The following PTPRN2 variants were observed in gnomAD, a reference collection of about 807,000 sequenced individuals.
The protein encoded by PTPRN2 is protein tyrosine phosphatase receptor type N2, also known as receptor-type tyrosine-protein phosphatase N2.
Under a neutral mutation model 118.8 loss-of-function variants are expected in PTPRN2, and 74 were observed. The ratio of observed to expected loss-of-function variants is 0.62; its 90% CI spans 0.52 to 0.76. The LOEUF is 0.76. PTPRN2 is among the 30% of genes least tolerant of loss of function. The pLI is 0.00. For synonymous variants in PTPRN2, 641 were observed against 608.0 expected (o/e 1.05, Z -0.80); for missense variants, 1,481 against 1,394.4 (o/e 1.06, Z -0.99).
chr7:158,222,883 G>C (rs1828476627), intron 3 of PTPRN2, among the ~76,000 whole-genome samples: 1 of 151,786 alleles, frequency 6.6e-6, no homozygotes, highest in Non-Finnish European at 1.5e-5. Flanking sequence ...GAAGATAAAT[G>C]ACAATGAAAG....
chr7:157,704,895 C>G (rs577701790), intron 12 of PTPRN2, among the ~76,000 whole-genome samples: 18 of 152,324 alleles, frequency 1.2e-4, no homozygotes, highest in African/African-American at 4.3e-4. Flanking sequence ...TTAAAAAACC[C>G]TCATGAAATG....
At chr7:158,514,368 G>C (rs1263600334) in intron 1 of PTPRN2, among the ~76,000 whole-genome samples, 2 of 152,192 alleles carry the variant, frequency 1.3e-5, no homozygotes, top group African/African-American at 4.8e-5. Context: ...CCCCAGGATG[G>C]CAGCAAAGGG....
intron 12 of PTPRN2, among the ~76,000 whole-genome samples, chr7:157,711,954 G>C (rs13438154): frequency 9.0e-5 from 9 of 100,376 alleles, no homozygotes; most frequent in South Asian, 3.6e-4. Context: ...GGGGCTGCGT[G>C]GTGGAAGGGG....
chr7:158,147,899 C>T (rs1376194496), intron 6 of PTPRN2, among the ~76,000 whole-genome samples: 18 of 133,342 alleles, frequency 1.3e-4, no homozygotes, highest in African/African-American at 3.7e-4. Flanking sequence ...TGTCTTTCCC[C>T]CTCACTGACA....
chr7:158,336,436 A>C (rs1805547301), intron 2 of PTPRN2, among the ~76,000 whole-genome samples: 1 of 101,062 alleles, frequency 9.9e-6, no homozygotes. Context: ...TGCAGACGTC[A>C]CTCACACCCA....
At chr7:158,221,651 G>T (rs572112560) in intron 3 of PTPRN2, among the ~76,000 whole-genome samples, 2 of 152,198 alleles carry the variant, frequency 1.3e-5, no homozygotes, top group South Asian at 4.2e-4. Flanking sequence ...AGCGGAAAGG[G>T]TTTCCTTCGG....
chr7:157,982,437 A>G (rs1412821475), intron 11 of PTPRN2, among the ~76,000 whole-genome samples: 6 of 130,690 alleles, frequency 4.6e-5, no homozygotes, highest in Non-Finnish European at 8.0e-5. Flanking sequence ...CGAGGAGGGG[A>G]ATGCAGAGTG....
intron 2 of PTPRN2, among the ~76,000 whole-genome samples, chr7:158,382,188 G>A (rs190922005): frequency 0.011 from 1,727 of 152,272 alleles, 12 homozygotes; most frequent in Non-Finnish European, 0.018. Flanking sequence ...GGGCAACGCA[G>A]CTCAGCACAG....
At position 157,714,305 on chromosome 7, in the gene PTPRN2, G is replaced by A. The variant is rs540177083; in HGVS notation, c.1789-31368C>T. On this transcript the variant is annotated intron_variant, in intron 12 of 22. Transcript: ENST00000389418. ...AGTATAGTACAGTCCGTTAAACTGC[G>A]CATCTTTGATGAGTTACTACCTGTG... 1.2e-4 allele frequency among the ~76,000 whole-genome samples: 18 copies of A among 152,334 alleles called. No homozygotes were observed. In the East Asian group the frequency reaches 2.1e-3, roughly 18 times the overall value.
chr7:157,720,654 C>T (rs1359454313), intron 12 of PTPRN2, among the ~76,000 whole-genome samples: 2 of 152,252 alleles, frequency 1.3e-5, no homozygotes, highest in Non-Finnish European at 2.9e-5. Flanking sequence ...ACACCAGGAG[C>T]AGGTGCCCTC....
At chr7:158,452,335 G>A (rs1818143101) in intron 2 of PTPRN2, among the ~76,000 whole-genome samples, 1 of 152,242 alleles carries the variant, frequency 6.6e-6, no homozygotes, top group Admixed American at 6.5e-5. Context: ...GGTTTATTCA[G>A]AGAGAATTCA....
intron 14 of PTPRN2, among the ~76,000 whole-genome samples, chr7:157,641,646 C>G (rs1259494964): frequency 1.3e-5 from 2 of 152,166 alleles, no homozygotes; most frequent in Non-Finnish European, 2.9e-5. Context: ...TTCACTGCAG[C>G]ACCAAATCTT....
chr7:157,936,683 T>TG (rs556712226), intron 11 of PTPRN2, among the ~76,000 whole-genome samples: 17 of 131,912 alleles, frequency 1.3e-4, no homozygotes, highest in African/African-American at 4.9e-4. Context: ...GAAGCCAGGG[T>TG]GGGGGTCTAC....
In PTPRN2 at chr7:157,646,652, C is replaced by T. The variant is rs183172498; in HGVS notation, c.2196+9705G>A. Among the ~76,000 whole-genome samples, 147 of 152,296 alleles carry T rather than the reference C, an allele frequency of 9.7e-4. 3 individuals are homozygous for T. The highest frequency in any genetic ancestry group is 3.3e-3 in the African/African-American group (137 of 41,566). ...AGGGGAGGCTGGGTCCCACTGGTAC[C>T]GGGCCCTGTGAGAGTCTCAGGTACA... On this transcript the variant is annotated intron_variant, in intron 14 of 22. Coordinates refer to ENST00000389418, the MANE Select transcript of PTPRN2 (RefSeq NM_002847.5).
At chr7:157,937,655 A>G (rs938754239) in intron 11 of PTPRN2, among the ~76,000 whole-genome samples, 3 of 152,214 alleles carry the variant, frequency 2.0e-5, no homozygotes, top group African/African-American at 7.2e-5. Flanking sequence ...CCGGACTCTC[A>G]CCAGCTGCTG....
At chr7:157,613,004 A>G (rs912600503) in intron 15 of PTPRN2, among the ~76,000 whole-genome samples, 1 of 152,122 alleles carries the variant, frequency 6.6e-6, no homozygotes, top group African/African-American at 2.4e-5. Context: ...ACTGACAGGG[A>G]GAGTCCCTGA....
chr7:158,533,798 G>A (rs1446693185), intron 1 of PTPRN2, among the ~76,000 whole-genome samples: 2 of 152,244 alleles, frequency 1.3e-5, no homozygotes, highest in African/African-American at 4.8e-5. Flanking sequence ...ATGCCTCGGG[G>A]ATTTCCTCTG....
At chr7:157,776,345 CCTT>C (rs1292507845) in intron 12 of PTPRN2, among the ~76,000 whole-genome samples, 4 of 92,888 alleles carry the variant, frequency 4.3e-5, no homozygotes, top group African/African-American at 9.3e-5. Flanking sequence ...TCCTCCTCCT[CCTT>C]CTCCTCTTCC....
chr7:157,981,477 A>G (rs1382873078), intron 11 of PTPRN2, among the ~76,000 whole-genome samples: 1 of 152,226 alleles, frequency 6.6e-6, no homozygotes, highest in Non-Finnish European at 1.5e-5. Context: ...ACACACACAC[A>G]AATTTGACTC....
Sources: allele counts gnomAD v4.1 joint callset (sites outside exome capture counted in the v4.1 genomes callset), GRCh38; gene constraint gnomAD v4.1.1; transcripts MANE v1.5; gene names NCBI Gene and HGNC (gene_info 2026-07-23, HGNC 2026-07-21).